The following MDGA2 variants were observed in gnomAD, a reference collection of about 807,000 sequenced individuals.
The protein encoded by MDGA2 is MAM domain-containing glycosylphosphatidylinositol anchor protein 2.
In MDGA2, 40 loss-of-function variants were observed where a neutral mutation model predicts 117.8. The observed-to-expected ratio is 0.34, with a 90% CI of 0.26 to 0.44. The LOEUF is 0.44. Ranked by LOEUF, MDGA2 falls within the 20% of genes least tolerant of loss-of-function variation. The pLI, the probability that MDGA2 is intolerant of heterozygous loss-of-function variation, is 1.00. For missense variants in MDGA2, 1,123 were observed against 1,250.6 expected (o/e 0.90, Z 1.54); for synonymous variants, 452 against 439.0 (o/e 1.03, Z -0.37).
intron 10 of MDGA2, among the ~76,000 whole-genome samples, chr14:46,914,254 T>A (rs966485783): frequency 6.6e-6 from 1 of 152,122 alleles, no homozygotes; most frequent in African/African-American, 2.4e-5. Flanking sequence ...AAGCAACAAA[T>A]GAAGCAAATA....
At position 46,880,546 on chromosome 14, in the gene MDGA2, G is replaced by C. The variant is rs565902436; in HGVS notation, c.2416+1498C>G. Among the ~76,000 whole-genome samples the C allele has an allele frequency of 1.6e-4, 25 of 151,666 alleles. No homozygotes were observed. The East Asian group carries it at 4.9e-3, about 30-fold the overall frequency. ...AGGCTGAGTGCAGTGGCTCATGCCT[G>C]TAATCTAGCACTTTGGGAGGCCGAG... On this transcript the variant is annotated intron_variant, in intron 11 of 16. Coordinates refer to ENST00000399232, the MANE Select transcript of MDGA2 (RefSeq NM_001113498.3).
At chr14:47,285,047 C>T (rs1463445086) in intron 2 of MDGA2, among the ~76,000 whole-genome samples, 1 of 152,004 alleles carries the variant, frequency 6.6e-6, no homozygotes, top group Non-Finnish European at 1.5e-5. Context: ...ACATATTGGC[C>T]AAGTCAATAT....
chr14:47,502,120 T>TA (rs1894411646), intron 1 of MDGA2, among the ~76,000 whole-genome samples: 1 of 152,086 alleles, frequency 6.6e-6, no homozygotes, highest in African/African-American at 2.4e-5. Context: ...TTGAAAGGTT[T>TA]AAAAAAAGAC....
chr14:47,169,154 C>T (rs1038793106), intron 3 of MDGA2, among the ~76,000 whole-genome samples: 1 of 151,922 alleles, frequency 6.6e-6, no homozygotes, highest in Admixed American at 6.6e-5. Context: ...AGCCACTTTG[C>T]TTTATTTACA....
Position 47,607,687 on chromosome 14 carries a change from A to G in MDGA2, c.280+66830T>C, listed in dbSNP as rs531536389. Among the ~76,000 whole-genome samples, 7 of 152,264 alleles carry G rather than the reference A, an allele frequency of 4.6e-5. No individual in the cohort carries two copies. In the East Asian group the frequency reaches 1.4e-3, roughly 29 times the overall value. ...AGGTCATCAGATCAATGGACAAAGC[A>G]GGAAGTTCCTTGCATCCAGAGTAAG... On this transcript the variant is annotated intron_variant, in intron 1 of 16. Transcript: ENST00000399232.
chr14:46,971,312 CTA>C (rs1886254229), intron 8 of MDGA2, among the ~76,000 whole-genome samples: 1 of 152,118 alleles, frequency 6.6e-6, no homozygotes, highest in African/African-American at 2.4e-5. Context: ...TAGAATCAAC[CTA>C]TGTGTCCACC....
At chr14:47,415,760 G>T (rs1328444365) in intron 1 of MDGA2, among the ~76,000 whole-genome samples, 1 of 152,092 alleles carries the variant, frequency 6.6e-6, no homozygotes, top group African/African-American at 2.4e-5. Flanking sequence ...TTGAGATGAA[G>T]GGGCTAGCAT....
chr14:47,102,790 TGGTC>T (rs1389641541), intron 5 of MDGA2, among the ~76,000 whole-genome samples: 1 of 152,180 alleles, frequency 6.6e-6, no homozygotes, highest in African/African-American at 2.4e-5. Flanking sequence ...TCTCATGCCC[TGGTC>T]GAACACATTC....
intron 2 of MDGA2, among the ~76,000 whole-genome samples, chr14:47,295,579 A>G (rs1214687596): frequency 2.0e-5 from 3 of 152,170 alleles, no homozygotes; most frequent in Non-Finnish European, 4.4e-5. Context: ...TAAAACAACT[A>G]TAAAGGAATG....
rs1044743626 is a variant in MDGA2, at chr14:47,327,835, T to C, written c.281-26285A>G. On this transcript the variant is annotated intron_variant, in intron 1 of 16. Transcript: ENST00000399232. ...GATACTTGTCTCATCATCATTTACA[T>C]AGAAGAATCCTAAAGCTTAGAGAAA... is the stretch of plus-strand genomic sequence containing the variant. Among the ~76,000 whole-genome samples the C allele has an allele frequency of 5.3e-5, 8 of 152,240 alleles. No individual in the cohort carries two copies. The East Asian group carries it at 9.7e-4, about 18-fold the overall frequency.
At chr14:47,264,413 C>A (rs1279543570) in intron 2 of MDGA2, among the ~76,000 whole-genome samples, 1 of 152,098 alleles carries the variant, frequency 6.6e-6, no homozygotes, top group South Asian at 2.1e-4. Flanking sequence ...ATTTTTGGAA[C>A]ACAGTACAAT....
chr14:47,630,459 GATAA>G lies in MDGA2; in HGVS notation c.280+44054_280+44057del, dbSNP rs1594952816. On this transcript the variant is annotated intron_variant, in intron 1 of 16. Transcript: ENST00000399232. ...GATTATGTAATGCATTTCAGTGACA[GATAA>G]CACAAGTTGATGATCCAAACACTTT... Among the ~76,000 whole-genome samples the G allele has an allele frequency of 3.9e-5, 6 of 152,290 alleles. No homozygotes were observed. The East Asian group carries it at 1.2e-3, about 29-fold the overall frequency.
intron 14 of MDGA2, among the ~76,000 whole-genome samples, chr14:46,861,371 G>A (rs1881500998): frequency 6.6e-6 from 1 of 151,604 alleles, no homozygotes; most frequent in Non-Finnish European, 1.5e-5. Flanking sequence ...CTCACTAAGG[G>A]AATTCTGTTT....
chr14:47,458,394 C>T (rs923280015), intron 1 of MDGA2, among the ~76,000 whole-genome samples: 33 of 152,110 alleles, frequency 2.2e-4, no homozygotes, highest in African/African-American at 8.0e-4. Flanking sequence ...TGGTTTCCTT[C>T]TGGAAGTTTT....
At chr14:47,283,606 A>C (rs1267507685) in intron 2 of MDGA2, among the ~76,000 whole-genome samples, 1 of 152,218 alleles carries the variant, frequency 6.6e-6, no homozygotes, top group Non-Finnish European at 1.5e-5. Flanking sequence ...AGAAACAATT[A>C]TGCATTCTGC....
At chr14:47,409,735 T>A (rs1892332199) in intron 1 of MDGA2, among the ~76,000 whole-genome samples, 1 of 151,734 alleles carries the variant, frequency 6.6e-6, no homozygotes, top group Admixed American at 6.6e-5. Context: ...ATTATTTTGA[T>A]TTTTTTTAAG....
At chr14:47,351,962 CAT>C (rs1890894674) in intron 1 of MDGA2, among the ~76,000 whole-genome samples, 1 of 150,792 alleles carries the variant, frequency 6.6e-6, no homozygotes, top group African/African-American at 2.4e-5. Flanking sequence ...TACACATATG[CAT>C]ATATAATTCC....
chr14:47,344,010 T>A (rs2138331730), intron 1 of MDGA2, among the ~76,000 whole-genome samples: 1 of 152,322 alleles, frequency 6.6e-6, no homozygotes, highest in East Asian at 1.9e-4. Flanking sequence ...ATAACTGAAC[T>A]GTCATTCTTG....
At chr14:47,245,458 C>T (rs1259815689) in intron 2 of MDGA2, among the ~76,000 whole-genome samples, 4 of 151,734 alleles carry the variant, frequency 2.6e-5, no homozygotes, top group South Asian at 4.2e-4. Flanking sequence ...CATGGGTTTT[C>T]GACTGTGTAG....
Sources: allele counts gnomAD v4.1 joint callset (sites outside exome capture counted in the v4.1 genomes callset), GRCh38; gene constraint gnomAD v4.1.1; transcripts MANE v1.5; gene names NCBI Gene and HGNC (gene_info 2026-07-23, HGNC 2026-07-21).